Variants in ROBO2 observed in about 807,000 individuals in gnomAD.
ROBO2 encodes the protein roundabout homolog 2.
Under a neutral mutation model 160.8 loss-of-function variants are expected in ROBO2, and 53 were observed. The ratio of observed to expected loss-of-function variants is 0.33; its 90% confidence interval spans 0.26 to 0.41. ROBO2 has a LOEUF of 0.41. Ranked by LOEUF, ROBO2 falls within the 10% of genes least tolerant of loss-of-function variation. ROBO2 has a pLI of 1.00. For missense variants in ROBO2, 1,577 were observed against 1,722.4 expected (o/e 0.92, Z 1.49); for synonymous variants, 664 against 611.7 (o/e 1.09, Z -1.26).
chr3:77,646,778 T>C (rs533674212), exon 26 of ROBO2: 2 of 152,508 alleles, frequency 1.3e-5, no homozygotes, highest in South Asian at 2.1e-4. Context: ...GTTTAAGTCT[T>C]AAGACTGAAT....
intron 2 of ROBO2, among the ~76,000 whole-genome samples, chr3:76,609,360 A>G (rs1175358805): frequency 6.6e-6 from 1 of 152,144 alleles, no homozygotes; most frequent in African/African-American, 2.4e-5. Context: ...GTGGTTTCAT[A>G]TAAATTAAAG....
chr3:77,045,345 T>C lies in ROBO2; in HGVS notation c.61+4499T>C, dbSNP rs372861591. On this transcript the variant is annotated intron_variant, in intron 1 of 25. Coordinates refer to ENST00000461745, the Ensembl canonical transcript of ROBO2. ...CTCCATTTGCAGCCAATCCTTAGGC[T>C]CTTTCATCTAATCACATGAGGTTTA... is the stretch of plus-strand genomic sequence containing the variant. Among the ~76,000 whole-genome samples the C allele has an allele frequency of 9.2e-5, 14 of 152,290 alleles. No individual in the cohort carries two copies. The South Asian group carries it at 1.0e-3, about 11-fold the overall frequency.
At chr3:76,289,770 T>C (rs990815380) in intron 2 of ROBO2, among the ~76,000 whole-genome samples, 1 of 152,188 alleles carries the variant, frequency 6.6e-6, no homozygotes, top group African/African-American at 2.4e-5. Context: ...TTGGTTGTTA[T>C]TACTGATTTT....
chr3:77,111,281 A>G (rs2073543017), intron 2 of ROBO2, among the ~76,000 whole-genome samples: 1 of 152,130 alleles, frequency 6.6e-6, no homozygotes, highest in Admixed American at 6.5e-5. Flanking sequence ...TTTTATTTTA[A>G]AATAAGTATA....
chr3:76,995,902 G>T (rs991091775), intron 2 of ROBO2, among the ~76,000 whole-genome samples: 9 of 152,092 alleles, frequency 5.9e-5, no homozygotes, highest in African/African-American at 1.7e-4. Flanking sequence ...TCTGTAGGTT[G>T]CCTGTTCACT....
intron 2 of ROBO2, among the ~76,000 whole-genome samples, chr3:77,327,799 C>T (rs569356731): frequency 1.3e-5 from 2 of 152,148 alleles, no homozygotes; most frequent in African/African-American, 2.4e-5. Flanking sequence ...CCTGTAATCC[C>T]AGCACTTTGG....
chr3:76,522,179 G>T (rs2081660945), intron 2 of ROBO2, among the ~76,000 whole-genome samples: 1 of 152,134 alleles, frequency 6.6e-6, no homozygotes, highest in Non-Finnish European at 1.5e-5. Flanking sequence ...CACCCTAACA[G>T]TTGGTATATG....
At chr3:77,128,439 T>C (rs2075549127) in intron 2 of ROBO2, among the ~76,000 whole-genome samples, 1 of 152,204 alleles carries the variant, frequency 6.6e-6, no homozygotes, top group Admixed American at 6.5e-5. Flanking sequence ...GGTTTTCGAA[T>C]GTATCCCTCA....
chr3:76,238,123 A>G (rs776116172), intron 2 of ROBO2, among the ~76,000 whole-genome samples: 7 of 152,224 alleles, frequency 4.6e-5, no homozygotes, highest in Non-Finnish European at 8.8e-5. Context: ...TTGGGAGGTT[A>G]TTCTTACTGA....
At chr3:77,266,162 G>T (rs1046610375) in intron 2 of ROBO2, among the ~76,000 whole-genome samples, 1 of 151,402 alleles carries the variant, frequency 6.6e-6, no homozygotes, top group South Asian at 2.1e-4. Flanking sequence ...AAAAACTTTC[G>T]CTTTTCCCCA....
chr3:76,512,336 A>ATG (rs1292558534), intron 2 of ROBO2, among the ~76,000 whole-genome samples: 1 of 149,070 alleles, frequency 6.7e-6, no homozygotes, highest in Non-Finnish European at 1.5e-5. Flanking sequence ...ATATATATAT[A>ATG]TAGTGTACTT....
intron 2 of ROBO2, among the ~76,000 whole-genome samples, chr3:76,099,449 G>A (rs1272469184): frequency 6.6e-6 from 1 of 151,800 alleles, no homozygotes; most frequent in Non-Finnish European, 1.5e-5. Context: ...TTTTTCTAAG[G>A]CATGTATTTC....
chr3:77,392,275 A>C (rs1233707743), intron 2 of ROBO2, among the ~76,000 whole-genome samples: 1 of 152,200 alleles, frequency 6.6e-6, no homozygotes, highest in Non-Finnish European at 1.5e-5. Context: ...CTGTCAGAAG[A>C]GCTTTAATGT....
At chr3:76,044,249 G>A (rs943642497) in intron 2 of ROBO2, among the ~76,000 whole-genome samples, 1 of 152,056 alleles carries the variant, frequency 6.6e-6, no homozygotes, top group Non-Finnish European at 1.5e-5. Flanking sequence ...AAGTTATCAC[G>A]AAGTGGGTGA....
At chr3:76,603,939 A>G (rs1057019638) in intron 2 of ROBO2, among the ~76,000 whole-genome samples, 2 of 152,226 alleles carry the variant, frequency 1.3e-5, no homozygotes, top group Admixed American at 6.5e-5. Context: ...GTCTTAGTGC[A>G]GGTAATAATT....
intron 2 of ROBO2, among the ~76,000 whole-genome samples, chr3:76,323,026 G>A (rs1227808512): frequency 6.6e-6 from 1 of 152,110 alleles, no homozygotes; most frequent in Non-Finnish European, 1.5e-5. Context: ...GCTATTTCAT[G>A]TGGAACAAAC....
intron 2 of ROBO2, among the ~76,000 whole-genome samples, chr3:76,224,739 T>A (rs943421025): frequency 1.1e-4 from 1 of 9,000 alleles, no homozygotes; most frequent in African/African-American, 1.4e-4. Flanking sequence ...ACTAGCACAT[T>A]CCTGTTCTTC....
intron 2 of ROBO2, among the ~76,000 whole-genome samples, chr3:76,291,250 A>T (rs1251370939): frequency 6.6e-6 from 1 of 152,012 alleles, no homozygotes; most frequent in Non-Finnish European, 1.5e-5. Flanking sequence ...ACAGGGCTTC[A>T]GTGTCTTTTT....
intron 12 of ROBO2, among the ~76,000 whole-genome samples, chr3:77,567,807 T>A (rs983893645): frequency 6.6e-6 from 1 of 152,068 alleles, no homozygotes; most frequent in African/African-American, 2.4e-5. Context: ...TACTTCTCCA[T>A]CCATGCTCCC....
Sources: gnomAD v4.1 joint callset for allele counts (sites outside exome capture counted in the v4.1 genomes callset) on GRCh38, gnomAD v4.1.1 for gene constraint, MANE v1.5 for transcripts, NCBI Gene and HGNC (gene_info 2026-07-23, HGNC 2026-07-21) for gene names.